MX2: variants seen among roughly 807,000 people sequenced by gnomAD.
The protein encoded by MX2 is MX dynamin like GTPase 2, also known as interferon-induced GTP-binding protein Mx2.
Under a neutral mutation model 74.0 loss-of-function variants are expected in MX2, and 51 were observed. That is an observed-to-expected ratio of 0.69 (90% CI 0.55 to 0.87). MX2 has a LOEUF of 0.87. Ranked by LOEUF, MX2 falls within the 40% of genes least tolerant of loss-of-function variation. The probability of loss-of-function intolerance (pLI) is 0.00; values close to 1 mark genes in which losing one functional copy is unlikely to be tolerated. For synonymous variants in MX2, 369 were observed against 339.3 expected, an observed-to-expected ratio of 1.09 and a Z score of -0.96; for missense variants, 832 against 908.7, an observed-to-expected ratio of 0.92 and a Z score of 1.09.
In MX2 at chr21:41,368,038, A is replaced by G. The variant is rs1306353074; in HGVS notation, c.-72+5983A>G. On this transcript the variant is annotated intron_variant, in intron 1 of 13. Transcript: ENST00000330714. This position sits in a 1 kb window ranked among gnomAD's most constrained non-coding sequence, Gnocchi z 4.6. The stretch of plus-strand genomic sequence containing the variant: ...CTCTCAAGACCTGCACTTTCTCTTC[A>G]AGTCAAGGTCCACAGCTCCCATGCT... Among the ~76,000 whole-genome samples, 2 of 152,002 alleles carry G rather than the reference A, an allele frequency of 1.3e-5. No homozygotes were observed. The highest frequency in any genetic ancestry group is 2.4e-5 in the African/African-American group (1 of 41,354).
At chr21:41,395,494 T>C (rs764033139) in intron 6 of MX2, 93 bp from the exon 7 acceptor site, 19 of 1,157,610 alleles carry the variant, frequency 1.6e-5, no homozygotes, top group Admixed American at 6.4e-5. Flanking sequence ...GAAGACCTTG[T>C]TGGCCAAAAA....
chr21:41,385,270 G>A (rs2089555905), intron 5 of MX2, among the ~76,000 whole-genome samples: 1 of 152,152 alleles, frequency 6.6e-6, no homozygotes, highest in South Asian at 2.1e-4. Flanking sequence ...TTTCCTTTTA[G>A]TTGAAGGAAG....
Position 41,389,909 on chromosome 21 carries a change from A to G in MX2, c.733-656A>G, listed in dbSNP as rs374533488. 9.2e-5 allele frequency: 14 copies of G among 152,334 alleles called. No individual in the cohort carries two copies. The East Asian group carries it at 1.2e-3, about 13-fold the overall frequency. The allele number at this position is 152,334 out of a possible 1,614,324, so 9.4% of individuals were successfully genotyped here. ...ATATTAAAAGTTGGCATTTTAAGGCATATGTTGCCTACATCTCCATTTTGC... is the reference window on the plus strand; with the variant it reads ...ATATTAAAAGTTGGCATTTTAAGGCGTATGTTGCCTACATCTCCATTTTGC... On this transcript the variant is annotated intron_variant, in intron 5 of 13. Transcript: ENST00000330714.
chr21:41,374,969 CAA>C (rs2089380245), intron 1 of MX2, among the ~76,000 whole-genome samples: 1 of 152,218 alleles, frequency 6.6e-6, no homozygotes, highest in South Asian at 2.1e-4. Context: ...CCACATCTTG[CAA>C]GCCTTTTTCC....
intron 6 of MX2, among the ~76,000 whole-genome samples, chr21:41,394,143 A>G (rs1038820315): frequency 2.6e-5 from 4 of 152,188 alleles, no homozygotes; most frequent in African/African-American, 4.8e-5. Context: ...GCCTCCAGAC[A>G]TGTCAATCGG....
chr21:41,403,176 G>A (rs1238152861), intron 11 of MX2, 91 bp from the exon 12 acceptor site: 1 of 1,053,958 alleles, frequency 9.5e-7, no homozygotes, highest in Non-Finnish European at 1.4e-6. Context: ...TGTATCATCA[G>A]TCATCCTCCC....
At chr21:41,364,687 C>T (rs2089248554) in intron 1 of MX2, 1 of 152,234 alleles carries the variant, frequency 6.6e-6, no homozygotes, top group Non-Finnish European at 1.5e-5. Context: ...TATGAATTTA[C>T]AGGATCACAA....
intron 1 of MX2, among the ~76,000 whole-genome samples, chr21:41,374,671 G>A (rs538688644): frequency 0.011 from 1,612 of 151,946 alleles, 32 homozygotes; most frequent in African/African-American, 0.035. Context: ...CTGAAAGCCG[G>A]CAGGTGTCGC....
In MX2 at chr21:41,408,118, T is replaced by A. The variant is rs776468932; in HGVS notation, c.2033T>A (p.Leu678Gln). The A allele has an allele frequency of 6.2e-7, 1 of 1,614,230 alleles. No individual in the cohort carries two copies. Among genetic ancestry groups the A allele is most frequent in the Non-Finnish European group, 8.5e-7 (1 of 1,180,048 alleles). The change falls in exon 14 of 14, where the codon CTG becomes CAG. Residue 678 changes from leucine to glutamine, a missense_variant. Physicochemically the swap from Leu to Gln is moderately radical, Grantham distance 113. Coordinates refer to ENST00000330714, the MANE Select transcript of MX2 (RefSeq NM_002463.2). ...CAGGAAAAAAATCGCTATTCCTGGCTGCTTCAAGAGCAGAGTGAGACCGCT... is the reference window on the plus strand; with the variant it reads ...CAGGAAAAAAATCGCTATTCCTGGCAGCTTCAAGAGCAGAGTGAGACCGCT... ...ILQEKNRYSW[L>Q]LQEQSETATK...
intron 1 of MX2, chr21:41,365,016 A>G (rs2089252049): frequency 6.6e-6 from 1 of 152,148 alleles, no homozygotes; most frequent in African/African-American, 2.4e-5. Flanking sequence ...CCTTCAACCC[A>G]ATCAAGTTGA....
rs753076753 is a variant in MX2 at position 41,397,633 on chromosome 21, C to T, written c.1091C>T (p.Ser364Leu). 1.9e-6 allele frequency: 3 copies of T among 1,614,054 alleles called. No individual in the cohort carries two copies. The highest frequency in any genetic ancestry group is 1.3e-5 in the African/African-American group (1 of 75,056). The change falls in exon 8 of 14, where the codon TCA (serine) becomes TTA (leucine). Residue 364 changes from serine (S) to leucine (L), a missense_variant. Coordinates refer to ENST00000330714, the MANE Select transcript of MX2 (RefSeq NM_002463.2). ...TTCAGAGTTCTCCTGGAGGAGGGGT[C>T]AGCCACGGTTCCCCGACTGGCAGAA... ...PYFRVLLEEGSATVPRLAERL... is the reference protein window; with the variant it reads ...PYFRVLLEEGLATVPRLAERL...
chr21:41,393,446 T>G (rs889031272), intron 6 of MX2, among the ~76,000 whole-genome samples: 2 of 152,084 alleles, frequency 1.3e-5, no homozygotes, highest in Non-Finnish European at 2.9e-5. Context: ...CTCTCCTTTC[T>G]CAGCAGCAGT....
chr21:41,383,372 A>G (rs550445708), intron 5 of MX2, among the ~76,000 whole-genome samples: 7 of 152,140 alleles, frequency 4.6e-5, no homozygotes, highest in Non-Finnish European at 1.0e-4. Context: ...AAATAAATAA[A>G]TAAATAAACC....
At position 41,384,023 on chromosome 21, in the gene MX2, T is replaced by C. The variant is rs115953006; in HGVS notation, c.732+1459T>C. Among the ~76,000 whole-genome samples, 1,170 of 152,204 alleles carry C rather than the reference T, an allele frequency of 7.7e-3. 19 individuals are homozygous for C. The highest frequency in any genetic ancestry group is 0.027 in the African/African-American group (1,105 of 41,508). On this transcript the variant is annotated intron_variant, in intron 5 of 13. Transcript: ENST00000330714. Reference sequence around the variant, plus strand: ...GTGATAGGATCATGGGGGTGTTTTCTCCCATGCCGTTCTCGTGATTGAGGG... The same window carrying C: ...GTGATAGGATCATGGGGGTGTTTTCCCCCATGCCGTTCTCGTGATTGAGGG...
intron 5 of MX2, among the ~76,000 whole-genome samples, chr21:41,384,131 G>T (rs1025302535): frequency 6.6e-6 from 1 of 152,148 alleles, no homozygotes; most frequent in Non-Finnish European, 1.5e-5. Context: ...TGTGAAGAAG[G>T]TGCCTGCACC....
chr21:41,399,329 C>T lies in MX2; in HGVS notation c.1406C>T (p.Thr469Ile), dbSNP rs779580609. The change falls in exon 10 of 14, where the codon ACC (threonine) becomes ATC (isoleucine). Residue 469 changes from threonine to isoleucine, a missense_variant. By Grantham distance (89) the Thr-to-Ile change is moderately conservative. Transcript: ENST00000330714. ...KNWVGILATNTQKVKNIIHEE... is the reference protein window; with the variant it reads ...KNWVGILATNIQKVKNIIHEE... ...TGGGTAGGCATACTTGCAACTAATA[C>T]CCAAAAAGGTAAGTTCTGGGCAGGG... The T allele has an allele frequency of 1.9e-6, 3 of 1,613,636 alleles. No homozygotes were observed. In the Admixed American group the frequency reaches 5.0e-5, roughly 27 times the overall value.
At chr21:41,395,362 C>T (rs1040676973) in intron 6 of MX2, among the ~76,000 whole-genome samples, 5 of 152,102 alleles carry the variant, frequency 3.3e-5, no homozygotes, top group African/African-American at 1.2e-4. Context: ...TTTGTTAAGT[C>T]AACTATCCAG....
chr21:41,367,860 C>T (rs1267796967), intron 1 of MX2, among the ~76,000 whole-genome samples: 1 of 152,130 alleles, frequency 6.6e-6, no homozygotes, highest in Admixed American at 6.5e-5. Flanking sequence ...CCGACCTGGC[C>T]CTCAGTAGCT....
At chr21:41,377,308 C>G (rs1015773335) in intron 2 of MX2, among the ~76,000 whole-genome samples, 153 bp downstream of exon 2, 3 of 152,218 alleles carry the variant, frequency 2.0e-5, no homozygotes, top group Non-Finnish European at 4.4e-5. Flanking sequence ...CAACAAGTAC[C>G]AGGAACATAC....
Sources: allele counts gnomAD v4.1 joint callset (sites outside exome capture counted in the v4.1 genomes callset), GRCh38; gene constraint gnomAD v4.1.1; non-coding constraint Gnocchi (gnomAD v3.1); transcripts MANE v1.5; gene names NCBI Gene and HGNC (gene_info 2026-07-23, HGNC 2026-07-21).